SPHKAP: variants seen among roughly 807,000 people sequenced by gnomAD.
SPHKAP encodes SPHK1 interactor, AKAP domain containing, also known as A-kinase anchor protein SPHKAP.
In SPHKAP, 67 loss-of-function variants were observed where a neutral mutation model predicts 137.5. That is an observed-to-expected ratio of 0.49 (90% CI 0.40 to 0.60). The LOEUF (loss-of-function observed/expected upper bound fraction) is 0.60, where lower values mean the gene tolerates loss of function less well. Among genes scored for constraint, SPHKAP ranks in the 20% least tolerant of loss-of-function variants. The pLI, the probability that SPHKAP is intolerant of heterozygous loss-of-function variation, is 0.00. For missense variants in SPHKAP, 2,097 were observed against 2,069.3 expected (o/e 1.01, Z -0.26); for synonymous variants, 813 against 785.3 (o/e 1.04, Z -0.59).
chr2:227,982,051 A>ATTTTT (rs3082640), intron 11 of SPHKAP, 191 bp from the exon 12 acceptor site: 2 of 860,744 alleles, frequency 2.3e-6, no homozygotes, highest in African/African-American at 1.9e-5. Flanking sequence ...CATCAAGTGA[A>ATTTTT]TTTTTTTTTT....
intron 3 of SPHKAP, among the ~76,000 whole-genome samples, chr2:228,068,651 T>C (rs1696906796): frequency 6.6e-6 from 1 of 152,146 alleles, no homozygotes; most frequent in African/African-American, 2.4e-5. Context: ...TGCAGAAGAA[T>C]AAAACTAGAC....
chr2:228,137,810 G>A (rs567443228), intron 1 of SPHKAP, among the ~76,000 whole-genome samples: 1 of 152,268 alleles, frequency 6.6e-6, no homozygotes, highest in African/African-American at 2.4e-5. Context: ...CCTTCACACA[G>A]TTCAAAATGA....
intron 7 of SPHKAP, among the ~76,000 whole-genome samples, chr2:228,001,238 T>C (rs1344214005): frequency 4.6e-5 from 6 of 129,130 alleles, no homozygotes. Context: ...AACATATATA[T>C]ATATATATAT....
rs907604929 is a variant in SPHKAP, at chr2:228,140,697, T to TG, written c.33-8613dup. 9.9e-5 allele frequency among the ~76,000 whole-genome samples: 15 copies of TG among 152,158 alleles called. No homozygotes were observed. In the East Asian group the frequency reaches 1.9e-3, roughly 20 times the overall value. Reference sequence around the variant, plus strand: ...GGCATGGTGGGAAGTGATTGGATCATGGGGGGGTGGATTTCTCATGAATGG... The same window carrying TG: ...GGCATGGTGGGAAGTGATTGGATCATGGGGGGGGTGGATTTCTCATGAATGG... On this transcript the variant is annotated intron_variant, in intron 1 of 11. Transcript: ENST00000392056.
At chr2:228,047,628 CACTT>C (rs1360799341) in intron 3 of SPHKAP, among the ~76,000 whole-genome samples, 1 of 152,180 alleles carries the variant, frequency 6.6e-6, no homozygotes, top group East Asian at 1.9e-4. Flanking sequence ...TTTACTCACT[CACTT>C]ATCCCTTTAA....
At chr2:227,998,311 T>G (rs1251630893) in intron 7 of SPHKAP, among the ~76,000 whole-genome samples, 1 of 152,182 alleles carries the variant, frequency 6.6e-6, no homozygotes, top group Admixed American at 6.5e-5. Flanking sequence ...AGGGTTAATA[T>G]TCAATCACCC....
intron 7 of SPHKAP, among the ~76,000 whole-genome samples, chr2:228,001,517 GAATA>G (rs1373448593): frequency 2.9e-5 from 4 of 138,184 alleles, no homozygotes; most frequent in Non-Finnish European, 4.6e-5. Flanking sequence ...GTATATATAA[GAATA>G]TATATACATA....
chr2:228,019,541 G>A lies in SPHKAP; in HGVS notation c.1313C>T (p.Thr438Ile), dbSNP rs1694752914. ...CTCATTCCATGACCGAGAAACCACTGTATCTTTTGTGGAATAGCAACTGGG... is the reference window on the plus strand; with the variant it reads ...CTCATTCCATGACCGAGAAACCACTATATCTTTTGTGGAATAGCAACTGGG... ...LLPSCYSTKD[T>I]VVSRSWNELP... Residue 438 changes from threonine (T) to isoleucine (I), a missense_variant, in exon 7 of 12, where the codon ACA becomes ATA. Transcript: ENST00000392056. 16 of 1,614,064 alleles carry A rather than the reference G, an allele frequency of 9.9e-6. No individual in the cohort carries two copies. The highest frequency in any genetic ancestry group is 1.4e-5 in the Non-Finnish European group (16 of 1,180,030).
At chr2:227,999,320 T>C (rs1041784456) in intron 7 of SPHKAP, among the ~76,000 whole-genome samples, 2 of 152,054 alleles carry the variant, frequency 1.3e-5, no homozygotes, top group African/African-American at 4.8e-5. Context: ...TTCCAAATCA[T>C]GTAGGGAGGA....
chr2:228,019,084 C>T lies in SPHKAP; in HGVS notation c.1770G>A (p.Pro590=), dbSNP rs141688278. ...TCSVAPSGSL[P]PAAEASEAMP... ...TGGCTTCAGAAGCCTCAGCTGCAGG[C>T]GGGAGGCTACCACTTGGAGCCACTG... The change falls in exon 7 of 12, where the codon CCG becomes CCA. Residue 590 remains proline, a synonymous_variant. Coordinates refer to ENST00000392056, the MANE Select transcript of SPHKAP (RefSeq NM_001142644.2). 18 of 1,613,838 alleles carry T rather than the reference C, an allele frequency of 1.1e-5. No homozygotes were observed. The highest frequency in any genetic ancestry group is 2.2e-5 in the South Asian group (2 of 91,072).
intron 9 of SPHKAP, among the ~76,000 whole-genome samples, chr2:227,992,608 C>G (rs542046411): frequency 5.9e-5 from 9 of 151,848 alleles, no homozygotes; most frequent in South Asian, 2.1e-4. Flanking sequence ...CTCCTTAAAA[C>G]AAAAGAAAAG....
At chr2:228,109,795 G>A (rs1343907375) in intron 2 of SPHKAP, among the ~76,000 whole-genome samples, 2 of 151,602 alleles carry the variant, frequency 1.3e-5, no homozygotes, top group Admixed American at 1.3e-4. Context: ...GTGGGACCTC[G>A]TTTCTACTAA....
At chr2:228,101,719 T>C (rs940334696) in intron 3 of SPHKAP, among the ~76,000 whole-genome samples, 8 of 152,202 alleles carry the variant, frequency 5.3e-5, no homozygotes, top group Non-Finnish European at 1.2e-4. Flanking sequence ...GGGGAGCCTA[T>C]GGGGTTCAAA....
intron 3 of SPHKAP, among the ~76,000 whole-genome samples, chr2:228,072,767 A>T (rs1677154663): frequency 6.6e-6 from 1 of 152,190 alleles, no homozygotes; most frequent in Admixed American, 6.5e-5. Flanking sequence ...AGAGACAGAG[A>T]GAGATGCCTA....
chr2:228,001,859 G>C (rs1405455860), intron 7 of SPHKAP, among the ~76,000 whole-genome samples: 5 of 152,054 alleles, frequency 3.3e-5, no homozygotes, highest in African/African-American at 1.2e-4. Context: ...TGAGAATGAT[G>C]GTTTCCAGCT....
intron 1 of SPHKAP, among the ~76,000 whole-genome samples, chr2:228,134,078 A>T (rs1699353657): frequency 6.6e-6 from 1 of 150,870 alleles, no homozygotes; most frequent in Non-Finnish European, 1.5e-5. Flanking sequence ...AAAGAGAGAG[A>T]AAGAAGAAAG....
At chr2:228,143,009 G>A (rs564723983) in intron 1 of SPHKAP, among the ~76,000 whole-genome samples, 2 of 152,072 alleles carry the variant, frequency 1.3e-5, no homozygotes, top group South Asian at 2.1e-4. Context: ...TTAGATGATA[G>A]ACACCAAACG....
intron 1 of SPHKAP, among the ~76,000 whole-genome samples, chr2:228,133,927 T>A (rs1174866755): frequency 6.6e-6 from 1 of 152,186 alleles, no homozygotes; most frequent in Non-Finnish European, 1.5e-5. Flanking sequence ...TAAAATTTTT[T>A]ATATATTACT....
chr2:228,162,995 G>A (rs1439495841), intron 1 of SPHKAP, among the ~76,000 whole-genome samples: 1 of 152,166 alleles, frequency 6.6e-6, no homozygotes, highest in Non-Finnish European at 1.5e-5. Context: ...CACGTGCCTG[G>A]CCACAAAGCC....
Sources: gnomAD v4.1 joint callset for allele counts (sites outside exome capture counted in the v4.1 genomes callset) on GRCh38, gnomAD v4.1.1 for gene constraint, MANE v1.5 for transcripts, NCBI Gene and HGNC (gene_info 2026-07-23, HGNC 2026-07-21) for gene names.